MLXIP: variants seen among roughly 807,000 people sequenced by gnomAD.
MLXIP encodes the protein MLX-interacting protein.
In MLXIP, 30 loss-of-function variants were observed where a neutral mutation model predicts 87.2. That is an observed-to-expected ratio of 0.34 (90% CI 0.26 to 0.47). The LOEUF (loss-of-function observed/expected upper bound fraction) is 0.47. Ranked by LOEUF, MLXIP falls within the 20% of genes least tolerant of loss-of-function variation. The probability of loss-of-function intolerance (pLI) is 1.00; values close to 1 mark genes in which losing one functional copy is unlikely to be tolerated. For missense variants in MLXIP, 1,002 were observed against 1,240.1 expected (o/e 0.81, Z 2.88); for synonymous variants, 530 against 514.0 (o/e 1.03, Z -0.42).
chr12:122,091,571 CTTT>C (rs1454305289), intron 1 of MLXIP, among the ~76,000 whole-genome samples: 1 of 152,108 alleles, frequency 6.6e-6, no homozygotes, highest in African/African-American at 2.4e-5. Flanking sequence ...ACTTTTTCTT[CTTT>C]TATCTGGGTC....
rs1283548289 is a variant in MLXIP, at chr12:122,138,455, T to C, written c.2288T>C (p.Val763Ala). The part of the protein sequence containing the change: ...TSHAITLQKT[V>A]EYITKLQQER... ...CACGCCATCACACTGCAGAAGACTG[T>C]GGAGTACATCACCAAGCTGCAGCAG... The change falls in exon 14 of 17, where the codon GTG becomes GCG. Residue 763 changes from valine (V) to alanine (A), a missense_variant. Val to Ala is a moderately conservative substitution (Grantham distance 64, BLOSUM62 0). Transcript: ENST00000319080. The C allele has an allele frequency of 5.0e-6, 8 of 1,613,902 alleles. No homozygotes were observed. The African/African-American group carries it at 6.7e-5, about 13-fold the overall frequency.
chr12:122,078,777 G>C lies in MLXIP; in HGVS notation c.-77G>C, dbSNP rs1466389065. ...GGACAGTCGGCGCGCGGGCCGGGCC[G>C]GGCCGGCGCCCCTCTGCCTCGCGCG... On this transcript the variant is annotated 5_prime_UTR_variant, in exon 1 of 17. Coordinates refer to ENST00000319080, the MANE Select transcript of MLXIP (RefSeq NM_014938.6). 7 of 1,015,396 alleles carry C rather than the reference G, an allele frequency of 6.9e-6. No homozygotes were observed. Among genetic ancestry groups the C allele is most frequent in the Non-Finnish European group, 7.1e-6 (6 of 851,056 alleles). 62.9% of individuals were successfully genotyped at this position (1,015,396 alleles called of 1,614,324 possible).
At chr12:122,111,489 G>A (rs1952605719) in intron 1 of MLXIP, among the ~76,000 whole-genome samples, 1 of 152,132 alleles carries the variant, frequency 6.6e-6, no homozygotes, top group Admixed American at 6.5e-5. Flanking sequence ...TTTTATGAAG[G>A]TGCTAGGGAA....
rs1242515135 is a variant in MLXIP at position 122,143,223 on chromosome 12, G to C, written c.*1411G>C. 1 of 152,326 alleles carries C rather than the reference G, an allele frequency of 6.6e-6. No individual in the cohort carries two copies. Among genetic ancestry groups the C allele is most frequent in the Non-Finnish European group, 1.5e-5 (1 of 68,098 alleles). The allele number at this position is 152,326 out of a possible 1,614,324, so 9.4% of individuals were successfully genotyped here. ...GCAGGGCCTGGGAAGGGCTTTGAGGGAGCCTGGGAGCCATGTGAAGAGGGG... is the reference window on the plus strand; with the variant it reads ...GCAGGGCCTGGGAAGGGCTTTGAGGCAGCCTGGGAGCCATGTGAAGAGGGG... On this transcript the variant is annotated 3_prime_UTR_variant, in exon 17 of 17. Coordinates refer to ENST00000319080, the MANE Select transcript of MLXIP (RefSeq NM_014938.6).
At chr12:122,110,043 G>A (rs1952580329) in intron 1 of MLXIP, among the ~76,000 whole-genome samples, 1 of 152,104 alleles carries the variant, frequency 6.6e-6, no homozygotes, top group Non-Finnish European at 1.5e-5. Flanking sequence ...TTTAGGGCCA[G>A]GAACTCTCTT....
chr12:122,119,207 CA>C (rs1003717968), intron 1 of MLXIP, among the ~76,000 whole-genome samples: 5 of 151,504 alleles, frequency 3.3e-5, no homozygotes, highest in Admixed American at 1.3e-4. Context: ...AACAAACAAA[CA>C]AAAAAACAGA....
rs542964985 is a variant in MLXIP, at chr12:122,121,642, T to C, written c.414-5614T>C. Among the ~76,000 whole-genome samples, 9 of 152,212 alleles carry C rather than the reference T, an allele frequency of 5.9e-5. No homozygotes were observed. In the East Asian group the frequency reaches 1.7e-3, roughly 29 times the overall value. ...TTCGTCCCAGCCAGACCGAACAGAA[T>C]TAGGGACCCCTGACCTGGCCATGCC... On this transcript the variant is annotated intron_variant, in intron 1 of 16. Coordinates refer to ENST00000319080, the MANE Select transcript of MLXIP (RefSeq NM_014938.6).
intron 1 of MLXIP, among the ~76,000 whole-genome samples, chr12:122,099,443 C>T (rs564236284): frequency 1.5e-3 from 231 of 152,202 alleles, no homozygotes; most frequent in African/African-American, 5.2e-3. Context: ...TTCCAGGCAT[C>T]GTGCTGCGCA....
chr12:122,137,758 T>TG lies in MLXIP; in HGVS notation c.2154+172dup. On this transcript the variant is annotated intron_variant, in intron 12 of 16. Transcript: ENST00000319080. This position sits in a 1 kb window ranked among gnomAD's most constrained non-coding sequence, Gnocchi z 4.1. ...TGCCCCATGCCACGAACCAGCCCTG[T>TG]GGGGATGGTGGGCCCCCTGGAGGCT... The TG allele has an allele frequency of 1.7e-6, 1 of 584,904 alleles. No individual in the cohort carries two copies. Among genetic ancestry groups the TG allele is most frequent in the Non-Finnish European group, 2.2e-6 (1 of 464,218 alleles). 36.2% of individuals were successfully genotyped at this position (584,904 alleles called of 1,614,324 possible).
intron 1 of MLXIP, among the ~76,000 whole-genome samples, chr12:122,114,747 T>C (rs1369131315): frequency 9.4e-6 from 1 of 105,864 alleles, no homozygotes; most frequent in East Asian, 2.7e-4. Flanking sequence ...CTTTTTTTTT[T>C]TTTTTTTTGG....
At chr12:122,086,347 A>G (rs1005941780) in intron 1 of MLXIP, among the ~76,000 whole-genome samples, 1 of 152,174 alleles carries the variant, frequency 6.6e-6, no homozygotes, top group Non-Finnish European at 1.5e-5. Context: ...CCCCGGGCTT[A>G]AGATTGAGCT....
rs1953112128 is a variant in MLXIP at position 122,137,406 on chromosome 12, G to A, written c.2033-63G>A. The stretch of plus-strand genomic sequence containing the variant: ...CCTCATAACCCTGCAGAGACCCCAG[G>A]CTGCCTCCTGGTGGCGTTGAGGGGC... On this transcript the variant is annotated intron_variant, in intron 11 of 16. Coordinates refer to ENST00000319080, the MANE Select transcript of MLXIP (RefSeq NM_014938.6). The surrounding 1 kb of genome is among the most constrained non-coding windows in gnomAD (Gnocchi z 4.1). 6.4e-7 allele frequency: 1 copy of A among 1,567,932 alleles called. No individual in the cohort carries two copies. Among genetic ancestry groups the A allele is most frequent in the African/African-American group, 1.4e-5 (1 of 73,452 alleles).
chr12:122,079,244 G>A lies in MLXIP; in HGVS notation c.391G>A (p.Glu131Lys). The A allele has an allele frequency of 1.3e-6, 2 of 1,550,804 alleles. No individual in the cohort carries two copies. Among genetic ancestry groups the A allele is most frequent in the Non-Finnish European group, 1.7e-6 (2 of 1,146,596 alleles). The change falls in exon 1 of 17, where the codon GAG becomes AAG. Residue 131 changes from glutamate to lysine, a missense_variant. Glu to Lys is a moderately conservative substitution (Grantham distance 56, BLOSUM62 1). This residue lies in a region of MLXIP where 127 missense variants were observed against 239.0 expected (regional missense o/e 0.53). Transcript: ENST00000319080. ...CGACGCCTCGCTCACCAAGCTCTTCGAGTGCATGACTTTGGCCTACAGGTA... is the reference window on the plus strand; with the variant it reads ...CGACGCCTCGCTCACCAAGCTCTTCAAGTGCATGACTTTGGCCTACAGGTA... ...SIDASLTKLFECMTLAYSGKL... is the reference protein window; with the variant it reads ...SIDASLTKLFKCMTLAYSGKL...
chr12:122,137,706 G>A lies in MLXIP; in HGVS notation c.2154+116G>A. 1 of 1,494,234 alleles carries A rather than the reference G, an allele frequency of 6.7e-7. No homozygotes were observed. The highest frequency in any genetic ancestry group is 9.1e-7 in the Non-Finnish European group (1 of 1,104,954). 92.6% of individuals were successfully genotyped at this position (1,494,234 alleles called of 1,614,324 possible). On this transcript the variant is annotated intron_variant, in intron 12 of 16. Coordinates refer to ENST00000319080, the MANE Select transcript of MLXIP (RefSeq NM_014938.6). The surrounding 1 kb of genome is among the most constrained non-coding windows in gnomAD (Gnocchi z 4.1). ...AGACCCAGCCAGAGCTGCCCAGGCA[G>A]GGGTGGATCAGAAATGGGCTTCTCC...
At chr12:122,118,757 G>A (rs1261544386) in intron 1 of MLXIP, among the ~76,000 whole-genome samples, 1 of 151,690 alleles carries the variant, frequency 6.6e-6, no homozygotes, top group East Asian at 1.9e-4. Context: ...CTTAGGCAGG[G>A]GAATTGCTTG....
intron 8 of MLXIP, chr12:122,132,740 G>A (rs778352457): frequency 2.9e-5 from 6 of 206,488 alleles, no homozygotes; most frequent in Non-Finnish European, 4.7e-5. Context: ...GTTTTACTAA[G>A]CAATCCAAAA....
intron 1 of MLXIP, among the ~76,000 whole-genome samples, chr12:122,094,037 A>G (rs1446938297): frequency 9.2e-6 from 1 of 108,768 alleles, no homozygotes; most frequent in African/African-American, 3.8e-5. Flanking sequence ...TATTTGCGCT[A>G]TCTGTGTGGT....
In MLXIP at chr12:122,142,159, G is replaced by A. The variant is rs533553834; in HGVS notation, c.*347G>A. On this transcript the variant is annotated 3_prime_UTR_variant, in exon 17 of 17. Coordinates refer to ENST00000319080, the MANE Select transcript of MLXIP (RefSeq NM_014938.6). ...GGGCCTGGCGCCGGTGAGCGGAATC[G>A]ATGGGATGAGGGTGACAGGGCCTGC... is the stretch of plus-strand genomic sequence containing the variant. The A allele has an allele frequency of 5.2e-4, 368 of 701,424 alleles. No individual in the cohort carries two copies. The highest frequency in any genetic ancestry group is 4.4e-3 in the African/African-American group (253 of 57,384). The allele number at this position is 701,424 out of a possible 1,614,324, so 43.5% of individuals were successfully genotyped here. A position where few individuals can be genotyped will look rare whatever the true frequency, so the allele number is the denominator to read the frequency against.
chr12:122,135,793 T>A lies in MLXIP; in HGVS notation c.2032+127T>A. The A allele has an allele frequency of 8.7e-7, 1 of 1,143,060 alleles. No individual in the cohort carries two copies. The highest frequency in any genetic ancestry group is 1.2e-6 in the Non-Finnish European group (1 of 843,752). The allele number at this position is 1,143,060 out of a possible 1,614,324, so 70.8% of individuals were successfully genotyped here. A position where few individuals can be genotyped will look rare whatever the true frequency, so the allele number is the denominator to read the frequency against. ...GGGCTTAGGACACACAGTGAGGTCT[T>A]GTAGGCCTGCTGATAACACAGTCTG... On this transcript the variant is annotated intron_variant, in intron 11 of 16. Coordinates refer to ENST00000319080, the MANE Select transcript of MLXIP (RefSeq NM_014938.6). This position sits in a 1 kb window ranked among gnomAD's most constrained non-coding sequence, Gnocchi z 5.3.
Sources: allele counts gnomAD v4.1 joint callset (sites outside exome capture counted in the v4.1 genomes callset), GRCh38; gene constraint gnomAD v4.1.1; regional missense constraint gnomAD v4.1.1; non-coding constraint Gnocchi (gnomAD v3.1); transcripts MANE v1.5; gene names NCBI Gene and HGNC (gene_info 2026-07-23, HGNC 2026-07-21).